The following GFRA1 variants were observed in gnomAD, a reference collection of about 807,000 sequenced individuals.
GFRA1 encodes the protein GDNF family receptor alpha 1, also known as GDNF family receptor alpha-1.
Under a neutral mutation model 51.6 loss-of-function variants are expected in GFRA1, and 16 were observed. The ratio of observed to expected loss-of-function variants is 0.31; its 90% CI spans 0.21 to 0.47. GFRA1 has a LOEUF of 0.47. GFRA1 is among the 20% of genes least tolerant of loss of function. GFRA1 has a pLI of 1.00. For synonymous variants in GFRA1, 270 were observed against 241.3 expected (o/e 1.12, Z -1.10); for missense variants, 530 against 594.3 (o/e 0.89, Z 1.13).
Position 116,254,319 on chromosome 10 carries a change from CA to C in GFRA1, c.418+15183del, listed in dbSNP as rs67848241. Among the ~76,000 whole-genome samples the C allele has an allele frequency of 1.5e-3, 158 of 106,788 alleles. 1 individual carries two copies. The highest frequency in any genetic ancestry group is 7.4e-3 in the South Asian group (22 of 2,954). 70.1% of individuals were successfully genotyped at this position (106,788 alleles called of 152,430 possible). A position where few individuals can be genotyped will look rare whatever the true frequency, so the allele number is the denominator to read the frequency against. On this transcript the variant is annotated intron_variant, in intron 4 of 10. Coordinates refer to ENST00000355422, the MANE Select transcript of GFRA1 (RefSeq NM_005264.8). The stretch of plus-strand genomic sequence containing the variant: ...CCTGAGCAACAAAGAGAGCCTCTGT[CA>C]AAAAAAAAAAAAAAAGAAAGAAAGA...
At chr10:116,136,610 T>C (rs1439346349) in intron 5 of GFRA1, among the ~76,000 whole-genome samples, 4 of 152,222 alleles carry the variant, frequency 2.6e-5, no homozygotes, top group African/African-American at 9.6e-5. Context: ...CTTAAAATAA[T>C]GTGTATGTAC....
chr10:116,069,981 G>A (rs919078066), intron 9 of GFRA1, among the ~76,000 whole-genome samples: 25 of 152,242 alleles, frequency 1.6e-4, no homozygotes, highest in Admixed American at 4.6e-4. Flanking sequence ...CAGTATTTAA[G>A]CTCCAGATTT....
intron 5 of GFRA1, among the ~76,000 whole-genome samples, chr10:116,126,835 T>A (rs1957898301): frequency 6.6e-6 from 1 of 152,202 alleles, no homozygotes; most frequent in Admixed American, 6.5e-5. Context: ...GAAGGCACAG[T>A]TCGGTTAGGT....
intron 3 of GFRA1, among the ~76,000 whole-genome samples, chr10:116,269,938 A>G (rs1843767996): frequency 6.6e-6 from 1 of 152,088 alleles, no homozygotes; most frequent in East Asian, 1.9e-4. Context: ...GTGACCCAGG[A>G]AAGACCCTTA....
At chr10:116,078,046 A>G (rs903316905) in intron 9 of GFRA1, among the ~76,000 whole-genome samples, 1 of 152,198 alleles carries the variant, frequency 6.6e-6, no homozygotes, top group African/African-American at 2.4e-5. Flanking sequence ...CCTAGGATGT[A>G]GGGTGCCACA....
chr10:116,173,213 TGGA>T (rs1320844658), intron 5 of GFRA1, among the ~76,000 whole-genome samples: 1 of 152,206 alleles, frequency 6.6e-6, no homozygotes, highest in African/African-American at 2.4e-5. Context: ...TGAGCAGCCG[TGGA>T]GACTGGGCAC....
intron 6 of GFRA1, among the ~76,000 whole-genome samples, chr10:116,108,962 T>C (rs1008065933): frequency 2.0e-5 from 3 of 152,176 alleles, no homozygotes; most frequent in African/African-American, 7.2e-5. Context: ...TCAACACTCA[T>C]CACGGACACT....
At chr10:116,266,766 T>A (rs919861817) in intron 4 of GFRA1, among the ~76,000 whole-genome samples, 3 of 152,176 alleles carry the variant, frequency 2.0e-5, no homozygotes, top group African/African-American at 7.2e-5. Flanking sequence ...ACTCATAAAT[T>A]CAGACAAACC....
chr10:116,085,755 C>G (rs1464125808), intron 9 of GFRA1, among the ~76,000 whole-genome samples: 2 of 152,190 alleles, frequency 1.3e-5, no homozygotes, highest in Non-Finnish European at 2.9e-5. Flanking sequence ...CCTAGAAAAT[C>G]AGCAAGCTGC....
chr10:116,179,978 C>T (rs1481922551), intron 5 of GFRA1, among the ~76,000 whole-genome samples: 1 of 152,188 alleles, frequency 6.6e-6, no homozygotes, highest in East Asian at 1.9e-4. Context: ...CCAAGCAAGA[C>T]CTAGCAAAGG....
At chr10:116,066,375 C>G (rs1042152115) in intron 9 of GFRA1, among the ~76,000 whole-genome samples, 1 of 152,196 alleles carries the variant, frequency 6.6e-6, no homozygotes, top group African/African-American at 2.4e-5. Context: ...AGTACAGATA[C>G]TCAATCCAGC....
chr10:116,145,148 C>CAAA (rs58509181), intron 5 of GFRA1, among the ~76,000 whole-genome samples: 13,712 of 28,610 alleles, frequency 0.48, 4,096 homozygotes, highest in Non-Finnish European at 0.54. Flanking sequence ...GACTCTGTCT[C>CAAA]AAAAAAAAAA....
chr10:116,156,972 G>A (rs960719421), intron 5 of GFRA1, among the ~76,000 whole-genome samples: 13 of 152,106 alleles, frequency 8.5e-5, no homozygotes, highest in African/African-American at 2.9e-4. Flanking sequence ...CTCAACTGCC[G>A]AAATAACTCC....
chr10:116,182,412 A>C (rs1962323235), intron 5 of GFRA1, among the ~76,000 whole-genome samples: 1 of 152,196 alleles, frequency 6.6e-6, no homozygotes, highest in South Asian at 2.1e-4. Flanking sequence ...TCTTTTTGTA[A>C]TCACTCTCTT....
At position 116,125,318 on chromosome 10, in the gene GFRA1, T is replaced by G. The variant is rs1302555614; in HGVS notation, c.673A>C (p.Arg225=). 5.0e-6 allele frequency: 8 copies of G among 1,614,122 alleles called. No homozygotes were observed. The highest frequency in any genetic ancestry group is 6.8e-6 in the Non-Finnish European group (8 of 1,180,048). The change falls in exon 6 of 11, where the codon AGG becomes CGG. Residue 225 remains arginine (R), a synonymous_variant. Transcript: ENST00000355422. ...CACACAGGCACGATGGTCTGTCGCC[T>G]CCGCTCTGTGCAGGCGATGTCCCGG... ...SCRDIACTER[R]RQTIVPVCSY...
chr10:116,160,530 G>T (rs1401724847), intron 5 of GFRA1, among the ~76,000 whole-genome samples: 2 of 152,320 alleles, frequency 1.3e-5, no homozygotes, highest in African/African-American at 4.8e-5. Flanking sequence ...TTTGCTGAAT[G>T]AATGTCAGTA....
chr10:116,205,612 T>G (rs1289215899), intron 5 of GFRA1, among the ~76,000 whole-genome samples: 1 of 146,932 alleles, frequency 6.8e-6, no homozygotes, highest in Non-Finnish European at 1.5e-5. Context: ...TATATATATA[T>G]ATATATATAT....
At chr10:116,255,523 A>G in intron 4 of GFRA1, 1 of 1,009,780 alleles carries the variant, frequency 9.9e-7, no homozygotes. Flanking sequence ...AAAAAACACT[A>G]GGTTTCCACC....
rs546109831 is a variant in GFRA1 at position 116,142,487 on chromosome 10, T to C, written c.434-16930A>G. Among the ~76,000 whole-genome samples, 13 of 152,334 alleles carry C rather than the reference T, an allele frequency of 8.5e-5. No homozygotes were observed. In the South Asian group the frequency reaches 2.7e-3, roughly 32 times the overall value. On this transcript the variant is annotated intron_variant, in intron 5 of 10. Coordinates refer to ENST00000355422, the MANE Select transcript of GFRA1 (RefSeq NM_005264.8). ...CCCAAGACCTTTCCGTGCTCCAAAATGTTATTTGCAAATTTCAGCGTTTCG... is the reference window on the plus strand; with the variant it reads ...CCCAAGACCTTTCCGTGCTCCAAAACGTTATTTGCAAATTTCAGCGTTTCG...
Sources: allele counts gnomAD v4.1 joint callset (sites outside exome capture counted in the v4.1 genomes callset), GRCh38; gene constraint gnomAD v4.1.1; transcripts MANE v1.5; gene names NCBI Gene and HGNC (gene_info 2026-07-23, HGNC 2026-07-21).